DNAH9: variants seen among roughly 807,000 people sequenced by gnomAD.
DNAH9 encodes the protein DNAH9 variant protein.
A neutral mutation model predicts 471.6 loss-of-function variants in DNAH9; 345 were observed. The observed-to-expected ratio is 0.73, with a 90% CI of 0.67 to 0.80. The LOEUF is 0.80. DNAH9 is among the 30% of genes least tolerant of loss of function. The pLI, the probability that DNAH9 is intolerant of heterozygous loss-of-function variation, is 0.00. For synonymous variants in DNAH9, 2,093 were observed against 2,123.6 expected (o/e 0.99, Z 0.40); for missense variants, 5,407 against 5,609.2 (o/e 0.96, Z 1.15).
intron 19 of DNAH9, among the ~76,000 whole-genome samples, chr17:11,684,374 A>C (rs1424327969): frequency 6.6e-6 from 1 of 152,184 alleles, no homozygotes; most frequent in African/African-American, 2.4e-5. Flanking sequence ...TTAACTCTAA[A>C]TTATAACACC....
intron 32 of DNAH9, among the ~76,000 whole-genome samples, chr17:11,748,290 G>A (rs532168054): frequency 2.6e-5 from 4 of 151,976 alleles, no homozygotes; most frequent in Non-Finnish European, 4.4e-5. Context: ...TCGTGCCACT[G>A]CACTCCAGTC....
At position 11,810,230 on chromosome 17, in the gene DNAH9, T is replaced by C. The variant is rs1969844471; in HGVS notation, c.8584-16T>C. 1.2e-6 allele frequency: 2 copies of C among 1,602,302 alleles called. No homozygotes were observed. Among genetic ancestry groups the C allele is most frequent in the African/African-American group, 2.7e-5 (2 of 74,380 alleles). On this transcript the variant is annotated splice_polypyrimidine_tract_variant and intron_variant, in intron 44 of 68. Transcript: ENST00000262442. ...GCCTTCTTTTCAGAGATTTCTGATA[T>C]TGACCATTCCTACAGATGGACCTGG...
At chr17:11,923,302 C>T (rs983889062) in intron 61 of DNAH9, among the ~76,000 whole-genome samples, 2 of 151,844 alleles carry the variant, frequency 1.3e-5, no homozygotes, top group Non-Finnish European at 1.5e-5. Context: ...GTCTTGAACT[C>T]CTGACCTCAG....
At chr17:11,804,182 A>G (rs1969573278) in intron 43 of DNAH9, among the ~76,000 whole-genome samples, 1 of 152,238 alleles carries the variant, frequency 6.6e-6, no homozygotes, top group Non-Finnish European at 1.5e-5. Context: ...CTGATATAAG[A>G]CAGTATAAGT....
chr17:11,912,496 G>T (rs1973823731), intron 61 of DNAH9, among the ~76,000 whole-genome samples: 1 of 152,066 alleles, frequency 6.6e-6, no homozygotes. Flanking sequence ...TTCCTAGTTT[G>T]TTGAGTTCTG....
intron 59 of DNAH9, among the ~76,000 whole-genome samples, chr17:11,899,995 C>T (rs77714935): frequency 6.6e-6 from 1 of 152,028 alleles, no homozygotes; most frequent in Non-Finnish European, 1.5e-5. Flanking sequence ...GCCATAGGAG[C>T]CCCCCAGGAA....
At chr17:11,906,058 G>A (rs781338172) in intron 61 of DNAH9, among the ~76,000 whole-genome samples, 2 of 152,138 alleles carry the variant, frequency 1.3e-5, no homozygotes, top group East Asian at 1.9e-4. Flanking sequence ...CCTCCACTCT[G>A]CCTCACCCAT....
rs373491778 is a variant in DNAH9 at position 11,617,570 on chromosome 17, C to T, written c.1064C>T (p.Pro355Leu). 5.0e-5 allele frequency: 81 copies of T among 1,614,004 alleles called. No individual in the cohort carries two copies. In the South Asian group the frequency reaches 5.4e-4, roughly 11 times the overall value. Residue 355 changes from proline (P) to leucine (L), a missense_variant, in exon 5 of 69, where the codon CCG (proline) becomes CTG (leucine). Transcript: ENST00000262442. Reference protein sequence around the residue: ...IWATCKSYRSPGRLTVLLQEI... With the variant: ...IWATCKSYRSLGRLTVLLQEI... ...GCCACATGCAAGTCCTACCGCTCCC[C>T]GGGAAGGCTGACTGTGCTGCTCCAG...
intron 26 of DNAH9, among the ~76,000 whole-genome samples, chr17:11,711,469 C>G (rs1224050705): frequency 6.6e-6 from 1 of 152,124 alleles, no homozygotes; most frequent in African/African-American, 2.4e-5. Flanking sequence ...CTAAGTTCAT[C>G]AGTCTACCTC....
intron 65 of DNAH9, among the ~76,000 whole-genome samples, chr17:11,934,986 C>T (rs1302400622): frequency 2.0e-5 from 3 of 151,900 alleles, no homozygotes; most frequent in African/African-American, 4.8e-5. Flanking sequence ...TTTTATGAGA[C>T]GGAGTCTTGA....
At position 11,763,485 on chromosome 17, in the gene DNAH9, G is replaced by A. The variant is rs1268306435; in HGVS notation, c.7041G>A (p.Met2347Ile). ...IPIPEQSMVQ[M>I]VCHLLECLLT... Reference sequence around the variant, plus strand: ...TCCCAGAGCAGAGCATGGTTCAGATGGTGTGTCACCTTCTGGAATGTCTCC... The same window carrying A: ...TCCCAGAGCAGAGCATGGTTCAGATAGTGTGTCACCTTCTGGAATGTCTCC... The change falls in exon 36 of 69, where the codon ATG (methionine) becomes ATA (isoleucine). Residue 2347 changes from methionine to isoleucine, a missense_variant. Physicochemically the swap from Met to Ile is conservative, Grantham distance 10. Around this residue, in one of 3 missense-constraint regions of DNAH9, gnomAD observed 4,636 missense variants for 4,900.3 expected, o/e 0.95. Transcript: ENST00000262442. The A allele has an allele frequency of 5.6e-6, 9 of 1,614,074 alleles. No individual in the cohort carries two copies. The highest frequency in any genetic ancestry group is 7.6e-6 in the Non-Finnish European group (9 of 1,179,968).
Position 11,926,035 on chromosome 17 carries a change from G to GAAAAAAAA in DNAH9, c.11877+2114_11877+2121dup, listed in dbSNP as rs71142253. ...AGCCTGTAAACCTGAGAGATTCTCTGAAAAAAAAAAAAAAAAAAAAAAAAA... is the reference window on the plus strand; with the variant it reads ...AGCCTGTAAACCTGAGAGATTCTCTGAAAAAAAAAAAAAAAAAAAAAAAAAAAAAAAAA... On this transcript the variant is annotated intron_variant, in intron 62 of 68. Coordinates refer to ENST00000262442, the MANE Select transcript of DNAH9 (RefSeq NM_001372.4). 2.0e-4 allele frequency among the ~76,000 whole-genome samples: 12 copies of GAAAAAAAA among 59,916 alleles called. 1 individual carries two copies. The East Asian group carries it at 2.4e-3, about 12-fold the overall frequency. 39.3% of individuals were successfully genotyped at this position (59,916 alleles called of 152,430 possible).
At chr17:11,792,237 G>A (rs975177304) in intron 41 of DNAH9, among the ~76,000 whole-genome samples, 2 of 152,190 alleles carry the variant, frequency 1.3e-5, no homozygotes, top group African/African-American at 4.8e-5. Context: ...TCACACCGTT[G>A]CACTCCAGCC....
At chr17:11,938,264 C>G (rs969850572) in intron 66 of DNAH9, among the ~76,000 whole-genome samples, 5 of 151,938 alleles carry the variant, frequency 3.3e-5, no homozygotes, top group Non-Finnish European at 7.4e-5. Flanking sequence ...TCGAGACCAG[C>G]CTGGCCAACA....
rs932578690 is a variant in DNAH9 at position 11,763,470 on chromosome 17, G to A, written c.7026G>A (p.Gln2342=). The change falls in exon 36 of 69, where the codon CAG becomes CAA. Residue 2342 remains glutamine (Q), a synonymous_variant. Coordinates refer to ENST00000262442, the MANE Select transcript of DNAH9 (RefSeq NM_001372.4). Reference sequence around the variant, plus strand: ...AGAAGATCATTCCCATCCCAGAGCAGAGCATGGTTCAGATGGTGTGTCACC... The same window carrying A: ...AGAAGATCATTCCCATCCCAGAGCAAAGCATGGTTCAGATGGTGTGTCACC... ...RFKKIIPIPE[Q]SMVQMVCHLL... 1.2e-6 allele frequency: 2 copies of A among 1,614,176 alleles called. No individual in the cohort carries two copies. The highest frequency in any genetic ancestry group is 1.7e-6 in the Non-Finnish European group (2 of 1,180,014).
At chr17:11,753,911 C>T (rs949672930) in intron 33 of DNAH9, among the ~76,000 whole-genome samples, 1 of 152,004 alleles carries the variant, frequency 6.6e-6, no homozygotes, top group Non-Finnish European at 1.5e-5. Context: ...ATTTCATCAC[C>T]CAGGTACTAA....
chr17:11,663,829 C>T lies in DNAH9; in HGVS notation c.2596-1004C>T, dbSNP rs1036560622. On this transcript the variant is annotated intron_variant, in intron 14 of 68. Transcript: ENST00000262442. ...TCTTAATACCCGAGAGAAACTCTGT[C>T]TTGTCACTGTGTTGTGATTTGCATG... Among the ~76,000 whole-genome samples the T allele has an allele frequency of 3.9e-5, 6 of 152,194 alleles. No homozygotes were observed. In the South Asian group the frequency reaches 1.2e-3, roughly 32 times the overall value.
In DNAH9 at chr17:11,886,950, C is replaced by T. The variant is rs564963762; in HGVS notation, c.11097C>T (p.Tyr3699=). The T allele has an allele frequency of 3.1e-6, 5 of 1,609,634 alleles. No individual in the cohort carries two copies. Among genetic ancestry groups the T allele is most frequent in the African/African-American group, 2.7e-5 (2 of 74,826 alleles). The change falls in exon 57 of 69, where the codon TAC becomes TAT. Residue 3699 remains tyrosine (Y), a synonymous_variant. Coordinates refer to ENST00000262442, the MANE Select transcript of DNAH9 (RefSeq NM_001372.4). ...ACCTCAGCAAGATCCATCCAATGTA[C>T]CAGTTTTCTCTCAAGGTGACTTACA... The part of the protein sequence containing the change: ...MNDLSKIHPM[Y]QFSLKAFSIV...
At chr17:11,774,662 A>G (rs1968349109) in intron 38 of DNAH9, among the ~76,000 whole-genome samples, 1 of 152,162 alleles carries the variant, frequency 6.6e-6, no homozygotes, top group Non-Finnish European at 1.5e-5. Flanking sequence ...GGGAGCTACA[A>G]TTCAAGATGA....
Sources: gnomAD v4.1 joint callset for allele counts (sites outside exome capture counted in the v4.1 genomes callset) on GRCh38, gnomAD v4.1.1 for gene constraint, gnomAD v4.1.1 regional missense constraint, MANE v1.5 for transcripts, NCBI Gene and HGNC (gene_info 2026-07-23, HGNC 2026-07-21) for gene names.